POU2F2: variants seen among roughly 807,000 people sequenced by gnomAD.
POU2F2 encodes the protein POU class 2 homeobox 2.
Under a neutral mutation model 63.5 loss-of-function variants are expected in POU2F2, and 14 were observed. The observed-to-expected ratio is 0.22, with a 90% confidence interval of 0.15 to 0.34. POU2F2 has a LOEUF of 0.34. Ranked by LOEUF, POU2F2 falls within the 10% of genes least tolerant of loss-of-function variation. The probability of loss-of-function intolerance (pLI) is 1.00; values close to 1 mark genes in which losing one functional copy is unlikely to be tolerated. For synonymous variants in POU2F2, 306 were observed against 348.6 expected (o/e 0.88, Z 1.36); for missense variants, 607 against 815.2 (o/e 0.74, Z 3.11).
upstream of POU2F2, among the ~76,000 whole-genome samples, chr19:42,134,201 G>A (rs2033939108): frequency 7.2e-6 from 1 of 139,200 alleles, no homozygotes; most frequent in South Asian, 2.4e-4. Context: ...TGGAAATGGG[G>A]CTATAGGACA....
rs1262583631 is a variant in POU2F2 at position 42,131,604 on chromosome 19, A to G, written c.28+780T>C. Among the ~76,000 whole-genome samples the G allele has an allele frequency of 2.0e-5, 3 of 152,224 alleles. No homozygotes were observed. The East Asian group carries it at 5.8e-4, about 29-fold the overall frequency. ...TCTACTAAATGAGCCAACAGCTATA[A>G]ATCACCTTGTACAGTGCCTGGTGCA... On this transcript the variant is annotated intron_variant, in intron 1 of 14. Transcript: ENST00000692977.
upstream of POU2F2, chr19:42,177,442 G>A (rs2034908071): frequency 6.5e-6 from 1 of 152,774 alleles, no homozygotes. Flanking sequence ...AGGGGGGAGA[G>A]AGGGAGAGGG....
chr19:42,171,433 TGTGTGTGTGTGTG>T (rs2034765285), intron 1 of POU2F2, among the ~76,000 whole-genome samples: 1 of 97,768 alleles, frequency 1.0e-5, no homozygotes, highest in African/African-American at 3.1e-5. Context: ...CTGCGCTTCG[TGTGTGTGTGTGTG>T]TGTGTGTGTG....
chr19:42,142,578 T>C (rs1253728739), intron 2 of POU2F2, among the ~76,000 whole-genome samples: 1 of 151,856 alleles, frequency 6.6e-6, no homozygotes, highest in African/African-American at 2.4e-5. Context: ...TGTTTTTGTT[T>C]TTGAGACAGG....
At position 42,090,204 on chromosome 19, in the gene POU2F2, A is replaced by AT. The variant is rs79171838; in HGVS notation, c.*1052dup. The AT allele has an allele frequency of 9.1e-3, 1,347 of 147,324 alleles. 9 individuals carry two copies. The highest frequency in any genetic ancestry group is 0.029 in the Middle Eastern group (8 of 280). The allele number at this position is 147,324 out of a possible 1,614,324, so 9.1% of individuals were successfully genotyped here. A position where few individuals can be genotyped will look rare whatever the true frequency, so the allele number is the denominator to read the frequency against. Reference sequence around the variant, plus strand: ...CCCACGGATAGGCACTGGAATATGAATTTTTTTTTTTTTCAGGGAAACAGA... The same window carrying AT: ...CCCACGGATAGGCACTGGAATATGAATTTTTTTTTTTTTTCAGGGAAACAGA... On this transcript the variant is annotated 3_prime_UTR_variant, in exon 15 of 15. Coordinates refer to ENST00000692977, the MANE Select transcript of POU2F2 (RefSeq NM_001394376.1). The surrounding 1 kb of genome is among the most constrained non-coding windows in gnomAD (Gnocchi z 4.4).
rs1357160317 is a variant in POU2F2 at position 42,091,397 on chromosome 19, C to A, written c.1735G>T (p.Ala579Ser). ...CCAGGAGACTTGCTGGAGATGGAGGCTGCCACAGCCGCAGCCGCTGCTGAG... is the reference window on the plus strand; with the variant it reads ...CCAGGAGACTTGCTGGAGATGGAGGATGCCACAGCCGCAGCCGCTGCTGAG... ...LVSAAAAAVA[A>S]SISSKSPGLS... The change falls in exon 15 of 15, where the codon GCC (alanine) becomes TCC (serine). Residue 579 changes from alanine to serine, a missense_variant. Physicochemically the swap from Ala to Ser is moderately conservative, Grantham distance 99. Around this residue, in one of 7 missense-constraint regions of POU2F2, gnomAD observed 270 missense variants for 307.5 expected, o/e 0.88. Transcript: ENST00000692977. The A allele has an allele frequency of 6.5e-7, 1 of 1,545,232 alleles. No individual in the cohort carries two copies.
intron 4 of POU2F2, 67 bp downstream of exon 4, chr19:42,122,059 G>T: frequency 6.7e-7 from 1 of 1,487,604 alleles, no homozygotes; most frequent in Non-Finnish European, 9.4e-7. Context: ...CTTGGACTGA[G>T]GCAGGCCTCC....
At chr19:42,186,740 C>A (rs2035016743) in intron 1 of POU2F2, among the ~76,000 whole-genome samples, 1 of 152,082 alleles carries the variant, frequency 6.6e-6, no homozygotes, top group South Asian at 2.1e-4. Context: ...GTTTAAAAAA[C>A]CCGGAGGTAA....
intron 1 of POU2F2, among the ~76,000 whole-genome samples, chr19:42,127,458 C>A (rs1048733400): frequency 2.0e-5 from 3 of 152,154 alleles, no homozygotes; most frequent in African/African-American, 7.2e-5. Context: ...CGGCTCACTG[C>A]AAGCTCCAGA....
At chr19:42,197,273 A>T (rs2035161255), upstream of POU2F2, among the ~76,000 whole-genome samples, 1 of 152,196 alleles carries the variant, frequency 6.6e-6, no homozygotes, top group East Asian at 1.9e-4. Flanking sequence ...TCCATTTCAC[A>T]TCAAACATGG....
At chr19:42,164,891 G>A (rs1042878696) in intron 1 of POU2F2, among the ~76,000 whole-genome samples, 2 of 151,748 alleles carry the variant, frequency 1.3e-5, no homozygotes, top group Non-Finnish European at 2.9e-5. Flanking sequence ...AAGCCTCAGA[G>A]GTAGAGGCTG....
chr19:42,117,227 C>G lies in POU2F2; in HGVS notation c.369+23G>C. 1 of 1,460,242 alleles carries G rather than the reference C, an allele frequency of 6.8e-7. No individual in the cohort carries two copies. Among genetic ancestry groups the G allele is most frequent in the Non-Finnish European group, 9.0e-7 (1 of 1,106,590 alleles). 90.5% of individuals were successfully genotyped at this position (1,460,242 alleles called of 1,614,324 possible). A position where few individuals can be genotyped will look rare whatever the true frequency, so the allele number is the denominator to read the frequency against. On this transcript the variant is annotated intron_variant, in intron 5 of 14. Transcript: ENST00000692977. The surrounding 1 kb of genome is among the most constrained non-coding windows in gnomAD (Gnocchi z 4.4). ...GGGGTGGCTGGTTTGTCCCCTCGTC[C>G]CCATCCTTCCCCAAGTACTTACCCC... is the stretch of plus-strand genomic sequence containing the variant.
At chr19:42,105,426 C>A (rs921375341) in intron 5 of POU2F2, among the ~76,000 whole-genome samples, 2 of 152,126 alleles carry the variant, frequency 1.3e-5, no homozygotes, top group South Asian at 2.1e-4. Context: ...GACTAGAAAT[C>A]AAGTCTTATT....
At chr19:42,180,135 C>A (rs1311824494), upstream of POU2F2, among the ~76,000 whole-genome samples, 4 of 151,988 alleles carry the variant, frequency 2.6e-5, no homozygotes, top group Admixed American at 2.6e-4. Context: ...TAGCCACCTA[C>A]CAACCAGCCT....
At chr19:42,151,715 AG>A (rs369999507) in intron 2 of POU2F2, among the ~76,000 whole-genome samples, 101 of 152,044 alleles carry the variant, frequency 6.6e-4, no homozygotes, top group African/African-American at 2.3e-3. Context: ...CTTCCTACTA[AG>A]GGAAGACATC....
chr19:42,142,552 G>GT (rs1363694857), intron 2 of POU2F2, among the ~76,000 whole-genome samples: 2 of 150,242 alleles, frequency 1.3e-5, no homozygotes, highest in East Asian at 2.0e-4. Flanking sequence ...GGTTTGGGGG[G>GT]TTTTTTATTT....
chr19:42,167,326 C>T (rs146167905), intron 1 of POU2F2, among the ~76,000 whole-genome samples: 14,919 of 151,864 alleles, frequency 0.098, 878 homozygotes, highest in Middle Eastern at 0.19. Flanking sequence ...TGGTGGCGTG[C>T]GCCTGTAGTC....
chr19:42,106,054 C>CT (rs2029906874), intron 5 of POU2F2, among the ~76,000 whole-genome samples: 2 of 85,414 alleles, frequency 2.3e-5, no homozygotes, highest in Admixed American at 2.5e-4. Context: ...TTTCTTTCTT[C>CT]TTTCTTTCTT....
chr19:42,124,109 G>A (rs918771941), intron 1 of POU2F2, among the ~76,000 whole-genome samples: 1 of 152,020 alleles, frequency 6.6e-6, no homozygotes, highest in Non-Finnish European at 1.5e-5. Context: ...TTCAAGACCA[G>A]CCTAGGCAAC....
Sources: allele counts gnomAD v4.1 joint callset (sites outside exome capture counted in the v4.1 genomes callset), GRCh38; gene constraint gnomAD v4.1.1; regional missense constraint gnomAD v4.1.1; non-coding constraint Gnocchi (gnomAD v3.1); transcripts MANE v1.5; gene names NCBI Gene and HGNC (gene_info 2026-07-23, HGNC 2026-07-21).